PHF14: variants seen among roughly 807,000 people sequenced by gnomAD.
The protein encoded by PHF14 is PHD finger protein 14.
A neutral mutation model predicts 117.9 loss-of-function variants in PHF14; 55 were observed. That is an observed-to-expected ratio of 0.47 (90% CI 0.38 to 0.58). The LOEUF (loss-of-function observed/expected upper bound fraction) is 0.58. Among genes scored for constraint, PHF14 ranks in the 20% least tolerant of loss-of-function variants. The pLI is 0.00. For synonymous variants in PHF14, 409 were observed against 368.6 expected (o/e 1.11, Z -1.26); for missense variants, 978 against 1,122.2 (o/e 0.87, Z 1.84).
intron 17 of PHF14, among the ~76,000 whole-genome samples, chr7:11,113,791 T>C (rs879818103): frequency 1.3e-5 from 2 of 152,158 alleles, no homozygotes; most frequent in Non-Finnish European, 2.9e-5. Flanking sequence ...TGTTTGCTAG[T>C]ATTACAGCCT....
intron 16 of PHF14, chr7:11,106,326 A>G: frequency 3.1e-6 from 3 of 979,104 alleles, no homozygotes; most frequent in Non-Finnish European, 3.6e-6. Flanking sequence ...TTATTGGCTG[A>G]TACAGAAGTC....
At chr7:11,078,199 C>G (rs1398613997) in intron 16 of PHF14, among the ~76,000 whole-genome samples, 3 of 152,086 alleles carry the variant, frequency 2.0e-5, no homozygotes, top group Non-Finnish European at 2.9e-5. Context: ...TAGCTTAACC[C>G]TTATTTTTCC....
intron 17 of PHF14, among the ~76,000 whole-genome samples, chr7:11,137,007 T>C (rs1479226912): frequency 6.6e-6 from 1 of 152,234 alleles, no homozygotes; most frequent in Non-Finnish European, 1.5e-5. Context: ...ATAAGACATA[T>C]GCTACGCATT....
At chr7:11,098,284 T>G (rs1416909858) in intron 16 of PHF14, among the ~76,000 whole-genome samples, 2 of 152,168 alleles carry the variant, frequency 1.3e-5, no homozygotes, top group Non-Finnish European at 2.9e-5. Context: ...AAACATTTCT[T>G]GATCCATTCT....
rs376262553 is a variant in PHF14 at position 11,061,815 on chromosome 7, T to C, written c.2506T>C (p.Phe836Leu). 5 of 1,525,586 alleles carry C rather than the reference T, an allele frequency of 3.3e-6. No homozygotes were observed. In the East Asian group the frequency reaches 1.2e-4, roughly 37 times the overall value. 94.5% of individuals were successfully genotyped at this position (1,525,586 alleles called of 1,614,324 possible). Reference sequence around the variant, plus strand: ...GAGAACCAGAGGACGAAAACGAAGCTTCGTTCCTGAGGAAGAAAAACATGA... The same window carrying C: ...GAGAACCAGAGGACGAAAACGAAGCCTCGTTCCTGAGGAAGAAAAACATGA... ...NTRTRGRKRS[F>L]VPEEEKHEER... The change falls in exon 15 of 18, where the codon TTC (phenylalanine) becomes CTC (leucine). Residue 836 changes from phenylalanine to leucine, a missense_variant. Transcript: ENST00000634607.
intron 11 of PHF14, among the ~76,000 whole-genome samples, chr7:11,040,118 G>A (rs1784451390): frequency 6.6e-6 from 1 of 152,032 alleles, no homozygotes; most frequent in Non-Finnish European, 1.5e-5. Context: ...CTGCTTGCAT[G>A]ACACTTTTTT....
At chr7:11,071,710 A>G (rs749774261) in intron 16 of PHF14, among the ~76,000 whole-genome samples, 22 of 152,132 alleles carry the variant, frequency 1.4e-4, no homozygotes, top group Non-Finnish European at 2.9e-4. Context: ...ACCACTGCAA[A>G]TGTTCTTTTG....
At chr7:11,110,809 A>G (rs1787418418) in intron 16 of PHF14, among the ~76,000 whole-genome samples, 1 of 152,052 alleles carries the variant, frequency 6.6e-6, no homozygotes, top group Non-Finnish European at 1.5e-5. Flanking sequence ...TAGAAAGTTC[A>G]CTTACAATCT....
rs911210438 is a variant in PHF14 at position 11,134,833 on chromosome 7, A to T, written c.2772+23366A>T. Among the ~76,000 whole-genome samples, 3 of 152,158 alleles carry T rather than the reference A, an allele frequency of 2.0e-5. No homozygotes were observed. The East Asian group carries it at 5.8e-4, about 29-fold the overall frequency. On this transcript the variant is annotated intron_variant, in intron 17 of 17. Coordinates refer to ENST00000634607, the MANE Select transcript of PHF14 (RefSeq NM_001007157.2). ...AAAAAAACATGAGTAAACTCAAACT[A>T]TAGAAGGATACACAATGAATAATTC... is the stretch of plus-strand genomic sequence containing the variant.
chr7:11,121,290 G>C (rs889112921), intron 17 of PHF14, among the ~76,000 whole-genome samples: 8 of 152,136 alleles, frequency 5.3e-5, no homozygotes, highest in Non-Finnish European at 8.8e-5. Flanking sequence ...AGAGCATATT[G>C]TATAAACACA....
At chr7:11,090,005 A>AGGT (rs1786583743) in intron 16 of PHF14, among the ~76,000 whole-genome samples, 1 of 152,180 alleles carries the variant, frequency 6.6e-6, no homozygotes, top group Admixed American at 6.5e-5. Context: ...TCCTGACCTC[A>AGGT]GGTGATTCGC....
intron 14 of PHF14, among the ~76,000 whole-genome samples, chr7:11,060,744 T>A (rs764664266): frequency 2.0e-5 from 3 of 152,172 alleles, no homozygotes; most frequent in Non-Finnish European, 4.4e-5. Context: ...TCTGCCTAAT[T>A]ACTTCCATAA....
At chr7:11,002,548 C>G (rs938152627) in intron 4 of PHF14, among the ~76,000 whole-genome samples, 4 of 152,084 alleles carry the variant, frequency 2.6e-5, no homozygotes, top group African/African-American at 7.2e-5. Context: ...AAGCAATTCT[C>G]CTGTCTCAGC....
At chr7:11,007,931 A>G (rs1452713068) in intron 4 of PHF14, among the ~76,000 whole-genome samples, 1 of 152,106 alleles carries the variant, frequency 6.6e-6, no homozygotes, top group African/African-American at 2.4e-5. Context: ...CTTCATCTAA[A>G]TCTCTTTTCT....
In PHF14 at chr7:11,103,687, A is replaced by C. The variant is rs115839373; in HGVS notation, c.2655-7663A>C. On this transcript the variant is annotated intron_variant, in intron 16 of 17. Coordinates refer to ENST00000634607, the MANE Select transcript of PHF14 (RefSeq NM_001007157.2). ...GTATAGTGACAATGGAAAATAGTTT[A>C]AACTTTAGGAATAGAGTAGGTAATG... 1.3e-3 allele frequency: 1,263 copies of C among 984,690 alleles called. 11 individuals carry two copies. In the African/African-American group the frequency reaches 0.021, roughly 16 times the overall value. The allele number at this position is 984,690 out of a possible 1,614,324, so 61.0% of individuals were successfully genotyped here.
In PHF14 at chr7:11,038,872, T is replaced by C. The variant is rs1012685597; in HGVS notation, c.2076+17T>C. 6 of 1,246,114 alleles carry C rather than the reference T, an allele frequency of 4.8e-6. No individual in the cohort carries two copies. The highest frequency in any genetic ancestry group is 3.0e-5 in the African/African-American group (2 of 66,526). The allele number at this position is 1,246,114 out of a possible 1,614,324, so 77.2% of individuals were successfully genotyped here. ...ACAGGGCAGGTTAGTTTCTTTCCAATTGCTGTCTCCTTCAGTTCTTGCTCC... is the reference window on the plus strand; with the variant it reads ...ACAGGGCAGGTTAGTTTCTTTCCAACTGCTGTCTCCTTCAGTTCTTGCTCC... On this transcript the variant is annotated intron_variant, in intron 11 of 17. Transcript: ENST00000634607.
intron 7 of PHF14, among the ~76,000 whole-genome samples, chr7:11,032,895 G>A (rs1784169186): frequency 6.6e-6 from 1 of 152,150 alleles, no homozygotes; most frequent in Non-Finnish European, 1.5e-5. Context: ...TGACAGTCAG[G>A]TAATGGTTAA....
chr7:10,996,300 C>T (rs913629252), intron 4 of PHF14, among the ~76,000 whole-genome samples: 6 of 152,172 alleles, frequency 3.9e-5, no homozygotes, highest in Admixed American at 1.3e-4. Flanking sequence ...TGGTTTTAAA[C>T]TCTGTTTATG....
intron 17 of PHF14, among the ~76,000 whole-genome samples, chr7:11,143,430 T>A (rs540533541): frequency 2.0e-5 from 3 of 152,172 alleles, no homozygotes; most frequent in South Asian, 4.1e-4. Flanking sequence ...CAATTTTTTT[T>A]ATATTGTTCC....
Sources: allele counts gnomAD v4.1 joint callset (sites outside exome capture counted in the v4.1 genomes callset), GRCh38; gene constraint gnomAD v4.1.1; transcripts MANE v1.5; gene names NCBI Gene and HGNC (gene_info 2026-07-23, HGNC 2026-07-21).